The following ATP2B4 variants were observed in gnomAD, a reference collection of about 807,000 sequenced individuals.
ATP2B4 encodes ATPase plasma membrane Ca2+ transporting 4.
ATP2B4 carries 39 observed loss-of-function variants against 110.3 expected under a neutral mutation model. That is an observed-to-expected ratio of 0.35 (90% CI 0.27 to 0.46). The LOEUF (loss-of-function observed/expected upper bound fraction) is 0.46. Among genes scored for constraint, ATP2B4 ranks in the 20% least tolerant of loss-of-function variants. ATP2B4 has a pLI of 1.00. For missense variants in ATP2B4, 1,135 were observed against 1,530.9 expected, an observed-to-expected ratio of 0.74 and a Z score of 4.32; for synonymous variants, 538 against 571.7, an observed-to-expected ratio of 0.94 and a Z score of 0.84.
intron 20 of ATP2B4, chr1:203,733,197 C>A (rs2102236329): frequency 6.3e-7 from 1 of 1,597,360 alleles, no homozygotes; most frequent in Non-Finnish European, 8.5e-7. Context: ...TGGAGCAAAG[C>A]TGTCTCACTC....
chr1:203,636,230 G>T (rs1011251546), intron 1 of ATP2B4, among the ~76,000 whole-genome samples: 1 of 152,212 alleles, frequency 6.6e-6, no homozygotes, highest in Non-Finnish European at 1.5e-5. Flanking sequence ...CCTGCCTGGA[G>T]CCTTCATGCC....
chr1:203,674,132 A>T (rs950871403), intron 1 of ATP2B4, among the ~76,000 whole-genome samples: 1 of 152,174 alleles, frequency 6.6e-6, no homozygotes, highest in Admixed American at 6.5e-5. Context: ...CGCAGCTCTG[A>T]GGAGTGAGTA....
chr1:203,718,575 C>A (rs1446256291), intron 15 of ATP2B4, among the ~76,000 whole-genome samples: 1 of 152,154 alleles, frequency 6.6e-6, no homozygotes, highest in African/African-American at 2.4e-5. Context: ...GCTGGGATTA[C>A]AGGCATGAGC....
At chr1:203,713,296 G>T in intron 14 of ATP2B4, 44 bp downstream of exon 14, 1 of 1,606,884 alleles carries the variant, frequency 6.2e-7, no homozygotes, top group Non-Finnish European at 8.5e-7. Context: ...GCTGAAGGCA[G>T]GCCAGGGCGA....
chr1:203,732,098 A>T (rs1399136302), intron 20 of ATP2B4, among the ~76,000 whole-genome samples: 1 of 148,586 alleles, frequency 6.7e-6, no homozygotes, highest in African/African-American at 2.5e-5. Flanking sequence ...AATGGCGTGA[A>T]CCCGGGAGGC....
intron 1 of ATP2B4, among the ~76,000 whole-genome samples, chr1:203,658,393 T>G (rs1571690019): frequency 6.8e-6 from 1 of 146,766 alleles, no homozygotes; most frequent in Admixed American, 6.8e-5. Context: ...AAGCCTGGCA[T>G]GATGATGCAG....
rs1474815396 is a variant in ATP2B4, at chr1:203,626,834, G to A, written c.-850G>A. 3 of 145,616 alleles carry A rather than the reference G, an allele frequency of 2.1e-5. No homozygotes were observed. The highest frequency in any genetic ancestry group is 3.0e-5 in the Non-Finnish European group (2 of 65,932). 9.0% of individuals were successfully genotyped at this position (145,616 alleles called of 1,614,324 possible). Reference sequence around the variant, plus strand: ...GCTGGTGAGCAAGAGTCTGGCCCGAGTTAGCTAGAGCTGTTGCCATGACAA... The same window carrying A: ...GCTGGTGAGCAAGAGTCTGGCCCGAATTAGCTAGAGCTGTTGCCATGACAA... On this transcript the variant is annotated 5_prime_UTR_variant, in exon 1 of 21. Transcript: ENST00000357681.
intron 1 of ATP2B4, among the ~76,000 whole-genome samples, chr1:203,653,098 A>C (rs909807703): frequency 1.3e-5 from 2 of 152,250 alleles, no homozygotes; most frequent in Non-Finnish European, 2.9e-5. Context: ...GTGCTACTCC[A>C]GTTAACACAC....
intron 1 of ATP2B4, among the ~76,000 whole-genome samples, chr1:203,639,652 T>G (rs1663566500): frequency 6.6e-6 from 1 of 152,196 alleles, no homozygotes; most frequent in South Asian, 2.1e-4. Context: ...CGCTTGTCCT[T>G]TGCTGAAGAA....
intron 8 of ATP2B4, among the ~76,000 whole-genome samples, chr1:203,706,502 G>A (rs1665852935): frequency 6.6e-6 from 1 of 152,194 alleles, no homozygotes; most frequent in Non-Finnish European, 1.5e-5. Flanking sequence ...TAGTCATGCA[G>A]GTGATACACT....
In ATP2B4 at chr1:203,720,752, G is replaced by A. The variant is rs772037739; in HGVS notation, c.2598+12G>A. ...CCTGTATCACTCAGGTGAAGGGGGT[G>A]TGGGTGGGCTGAGACGGGAGGGATG... On this transcript the variant is annotated intron_variant, in intron 16 of 20. Coordinates refer to ENST00000357681, the MANE Select transcript of ATP2B4 (RefSeq NM_001684.5). 6.2e-7 allele frequency: 1 copy of A among 1,606,488 alleles called. No homozygotes were observed. Among genetic ancestry groups the A allele is most frequent in the Admixed American group, 1.7e-5 (1 of 59,588 alleles).
intron 1 of ATP2B4, among the ~76,000 whole-genome samples, chr1:203,664,159 C>G (rs1571696501): frequency 6.6e-6 from 1 of 152,218 alleles, no homozygotes; most frequent in Admixed American, 6.5e-5. Context: ...CCTTTACTCT[C>G]ATGAACTCTT....
Position 203,705,951 on chromosome 1 carries a change from C to T in ATP2B4, c.1100-1058C>T, listed in dbSNP as rs552357507. 2.0e-5 allele frequency among the ~76,000 whole-genome samples: 3 copies of T among 152,314 alleles called. No individual in the cohort carries two copies. The East Asian group carries it at 5.8e-4, about 29-fold the overall frequency. ...AAGAATTTGCTTTCATTGATATCAT[C>T]ATCTCTAGCCTTGCTTGGAGGCCCC... On this transcript the variant is annotated intron_variant, in intron 8 of 20. Transcript: ENST00000357681.
chr1:203,660,505 G>C (rs184338534), intron 1 of ATP2B4, among the ~76,000 whole-genome samples: 1 of 151,950 alleles, frequency 6.6e-6, no homozygotes, highest in Non-Finnish European at 1.5e-5. Flanking sequence ...GAACGGAGGT[G>C]GGGGGTGGGG....
At chr1:203,688,012 T>G (rs1312852620) in intron 2 of ATP2B4, among the ~76,000 whole-genome samples, 4 of 146,876 alleles carry the variant, frequency 2.7e-5, no homozygotes, top group South Asian at 2.1e-4. Context: ...TTATTATTAT[T>G]ATTATTATTA....
chr1:203,701,999 T>G, intron 6 of ATP2B4, 45 bp from the exon 7 acceptor site: 1 of 1,611,590 alleles, frequency 6.2e-7, no homozygotes, highest in South Asian at 1.1e-5. Context: ...CTCTTAATAG[T>G]TACTTTGGGT....
At chr1:203,645,845 T>C (rs1409030067) in intron 1 of ATP2B4, among the ~76,000 whole-genome samples, 1 of 152,124 alleles carries the variant, frequency 6.6e-6, no homozygotes, top group Non-Finnish European at 1.5e-5. Context: ...TGCCTCAGCC[T>C]CCCAAATTGC....
At chr1:203,650,361 T>G (rs1663942543) in intron 1 of ATP2B4, among the ~76,000 whole-genome samples, 1 of 151,872 alleles carries the variant, frequency 6.6e-6, no homozygotes, top group African/African-American at 2.4e-5. Flanking sequence ...TGGTGTGGTG[T>G]GATGTGGTGG....
At chr1:203,673,256 G>GCAGGGGC (rs1664728933) in intron 1 of ATP2B4, among the ~76,000 whole-genome samples, 1 of 152,198 alleles carries the variant, frequency 6.6e-6, no homozygotes, top group Non-Finnish European at 1.5e-5. Flanking sequence ...TCAGGAGTTG[G>GCAGGGGC]CAGGGAGGGG....
Sources: gnomAD v4.1 joint callset for allele counts (sites outside exome capture counted in the v4.1 genomes callset) on GRCh38, gnomAD v4.1.1 for gene constraint, MANE v1.5 for transcripts, NCBI Gene and HGNC (gene_info 2026-07-23, HGNC 2026-07-21) for gene names.